Variants in SPAG16 observed in about 807,000 individuals in gnomAD.
SPAG16 encodes sperm associated antigen 16, also known as sperm-associated antigen 16 protein.
SPAG16 carries 86 observed loss-of-function variants against 80.4 expected under a neutral mutation model. The observed-to-expected ratio is 1.07, with a 90% CI of 0.90 to 1.28. The LOEUF is 1.28. Ranked by LOEUF, SPAG16 falls within the 50% of genes most tolerant of loss-of-function variation. The probability of loss-of-function intolerance (pLI) is 0.00; values close to 1 mark genes in which losing one functional copy is unlikely to be tolerated. For missense variants in SPAG16, 870 were observed against 765.3 expected, an observed-to-expected ratio of 1.14 and a Z score of -1.61; for synonymous variants, 294 against 265.9, an observed-to-expected ratio of 1.11 and a Z score of -1.03.
intron 9 of SPAG16, among the ~76,000 whole-genome samples, chr2:213,447,904 A>C (rs2071433947): frequency 6.6e-6 from 1 of 152,250 alleles, no homozygotes; most frequent in South Asian, 2.1e-4. Context: ...CCCCCTCAGT[A>C]CATTTAATTA....
intron 9 of SPAG16, among the ~76,000 whole-genome samples, chr2:213,389,376 A>G (rs1157022671): frequency 6.6e-6 from 1 of 152,154 alleles, no homozygotes; most frequent in Non-Finnish European, 1.5e-5. Context: ...TAGATATGAC[A>G]CAAAAGGCAC....
intron 10 of SPAG16, among the ~76,000 whole-genome samples, chr2:213,602,147 C>T (rs1428565278): frequency 6.6e-6 from 1 of 152,214 alleles, no homozygotes; most frequent in Non-Finnish European, 1.5e-5. Flanking sequence ...CAGCACCGGT[C>T]TGTGGACTGG....
chr2:214,311,707 C>T (rs1298745683), intron 15 of SPAG16: 1 of 152,186 alleles, frequency 6.6e-6, no homozygotes, highest in Non-Finnish European at 1.5e-5. Context: ...TGATTATTCA[C>T]CTGCAAATTT....
At chr2:214,308,151 G>C (rs1332369276) in intron 15 of SPAG16, among the ~76,000 whole-genome samples, 1 of 152,012 alleles carries the variant, frequency 6.6e-6, no homozygotes, top group East Asian at 1.9e-4. Context: ...ATGCCCTTCT[G>C]TGTCCTTTTT....
intron 10 of SPAG16, among the ~76,000 whole-genome samples, chr2:213,743,483 T>G (rs537812864): frequency 2.6e-5 from 4 of 151,100 alleles, no homozygotes; most frequent in African/African-American, 9.6e-5. Context: ...ATTTTTTCCC[T>G]AGAAATATCT....
intron 15 of SPAG16, among the ~76,000 whole-genome samples, chr2:214,257,817 C>T (rs1378738873): frequency 6.6e-6 from 1 of 151,918 alleles, no homozygotes; most frequent in Non-Finnish European, 1.5e-5. Context: ...GGTATTGTTG[C>T]CTTCATAAAA....
chr2:214,318,703 C>G (rs771924994), intron 15 of SPAG16, among the ~76,000 whole-genome samples: 6 of 152,008 alleles, frequency 3.9e-5, no homozygotes, highest in Non-Finnish European at 5.9e-5. Context: ...AACAATCAGG[C>G]TTTATAGTGC....
chr2:213,334,562 C>G (rs1006425446), intron 5 of SPAG16, among the ~76,000 whole-genome samples: 2 of 152,116 alleles, frequency 1.3e-5, no homozygotes, highest in African/African-American at 2.4e-5. Flanking sequence ...ACCTAAGTGT[C>G]TATCAGCAGA....
intron 9 of SPAG16, among the ~76,000 whole-genome samples, chr2:213,427,099 A>G (rs1003306970): frequency 6.6e-6 from 1 of 152,158 alleles, no homozygotes; most frequent in Non-Finnish European, 1.5e-5. Flanking sequence ...CATTCCATTC[A>G]AAGTAAAAAT....
intron 15 of SPAG16, among the ~76,000 whole-genome samples, chr2:214,325,414 A>G (rs1166898900): frequency 1.3e-5 from 2 of 152,178 alleles, no homozygotes; most frequent in African/African-American, 4.8e-5. Flanking sequence ...CCAAGGCATT[A>G]TTCTTTTTAG....
chr2:214,039,532 A>C (rs2048894823), intron 13 of SPAG16, among the ~76,000 whole-genome samples: 1 of 152,136 alleles, frequency 6.6e-6, no homozygotes, highest in South Asian at 2.1e-4. Context: ...AATGGGAGAA[A>C]ATTTTTGCAA....
At chr2:213,467,710 G>A (rs2072779985) in intron 9 of SPAG16, among the ~76,000 whole-genome samples, 1 of 152,178 alleles carries the variant, frequency 6.6e-6, no homozygotes, top group African/African-American at 2.4e-5. Context: ...GAAGCCCAAG[G>A]ACTCCTCAGT....
intron 10 of SPAG16, among the ~76,000 whole-genome samples, chr2:213,590,207 C>A (rs1027411719): frequency 6.6e-5 from 10 of 152,084 alleles, no homozygotes; most frequent in African/African-American, 2.4e-4. Context: ...CGTAATTGCA[C>A]TTGTTTAAAA....
intron 15 of SPAG16, chr2:214,239,439 C>T (rs2125822315): frequency 6.6e-6 from 1 of 152,244 alleles, no homozygotes; most frequent in East Asian, 1.9e-4. Flanking sequence ...AACAATAAAT[C>T]CTCATTTTCA....
chr2:214,214,396 C>G (rs1013249065), intron 15 of SPAG16, among the ~76,000 whole-genome samples: 1 of 152,264 alleles, frequency 6.6e-6, no homozygotes, highest in Non-Finnish European at 1.5e-5. Flanking sequence ...TCTCAAACTC[C>G]TGACTTCAGG....
intron 9 of SPAG16, among the ~76,000 whole-genome samples, chr2:213,413,306 T>A (rs1174594338): frequency 6.6e-6 from 1 of 152,102 alleles, no homozygotes; most frequent in Non-Finnish European, 1.5e-5. Context: ...ATTATTTAAA[T>A]TTTTTTGAAG....
chr2:213,808,278 C>T (rs1440019313), intron 10 of SPAG16, among the ~76,000 whole-genome samples: 2 of 152,086 alleles, frequency 1.3e-5, no homozygotes, highest in Non-Finnish European at 2.9e-5. Flanking sequence ...TGTGGAAGAA[C>T]ATTTTAGGCA....
At chr2:213,433,390 G>A (rs1307531332) in intron 9 of SPAG16, among the ~76,000 whole-genome samples, 2 of 152,172 alleles carry the variant, frequency 1.3e-5, no homozygotes, top group African/African-American at 4.8e-5. Flanking sequence ...ATTGATAAAT[G>A]TATTTAGTAA....
chr2:213,785,901 GGAGGCT>G (rs2070310270), intron 10 of SPAG16, among the ~76,000 whole-genome samples: 1 of 151,920 alleles, frequency 6.6e-6, no homozygotes, highest in Non-Finnish European at 1.5e-5. Flanking sequence ...CAGCTACTTG[GGAGGCT>G]GAGGTAGGGG....
Sources: gnomAD v4.1 joint callset for allele counts (sites outside exome capture counted in the v4.1 genomes callset) on GRCh38, gnomAD v4.1.1 for gene constraint, MANE v1.5 for transcripts, NCBI Gene and HGNC (gene_info 2026-07-23, HGNC 2026-07-21) for gene names.